C2CD5: variants seen among roughly 807,000 people sequenced by gnomAD.
The protein encoded by C2CD5 is C2 domain-containing protein 5.
Under a neutral mutation model 130.3 loss-of-function variants are expected in C2CD5, and 109 were observed. The observed-to-expected ratio is 0.84, with a 90% CI of 0.72 to 0.98. The LOEUF is 0.98. Ranked by LOEUF, C2CD5 falls within the 50% of genes least tolerant of loss-of-function variation. C2CD5 has a pLI of 0.00. For synonymous variants in C2CD5, 454 were observed against 429.2 expected, an observed-to-expected ratio of 1.06 and a Z score of -0.71; for missense variants, 996 against 1,261.8, an observed-to-expected ratio of 0.79 and a Z score of 3.19.
chr12:22,516,096 T>C, intron 8 of C2CD5, among the ~76,000 whole-genome samples: 1 of 151,800 alleles, frequency 6.6e-6, no homozygotes, highest in East Asian at 1.9e-4. Flanking sequence ...TTAACTTTAT[T>C]CTACTTTTGG....
At chr12:22,505,996 C>T (rs1948482225) in intron 10 of C2CD5, among the ~76,000 whole-genome samples, 1 of 152,088 alleles carries the variant, frequency 6.6e-6, no homozygotes, top group Non-Finnish European at 1.5e-5. Context: ...CTCCTGAGTG[C>T]TGCCTGGGTA....
At position 22,470,936 on chromosome 12, in the gene C2CD5, T is replaced by G. The variant is rs777770600; in HGVS notation, c.2359-25A>C. 32 of 1,528,254 alleles carry G rather than the reference T, an allele frequency of 2.1e-5. No homozygotes were observed. The East Asian group carries it at 6.3e-4, about 30-fold the overall frequency. 94.7% of individuals were successfully genotyped at this position (1,528,254 alleles called of 1,614,324 possible). A position where few individuals can be genotyped will look rare whatever the true frequency, so the allele number is the denominator to read the frequency against. On this transcript the variant is annotated intron_variant, in intron 20 of 26. Coordinates refer to ENST00000446597, the MANE Select transcript of C2CD5 (RefSeq NM_001286176.2). ...CCTAGAATTATAAAAACAATAATGG[T>G]TAGCAAAATAATCACTGCCAAAACT...
At chr12:22,456,870 T>A in intron 25 of C2CD5, 101 bp downstream of exon 25, 1 of 653,484 alleles carries the variant, frequency 1.5e-6, no homozygotes, top group Non-Finnish European at 2.6e-6. Context: ...TAAATAAATA[T>A]TTGTAAGTTT....
Position 22,518,044 on chromosome 12 carries a change from C to T in C2CD5, c.894G>A (p.Lys298=). The change falls in exon 8 of 27, where the codon AAG becomes AAA. Residue 298 remains lysine (K), a synonymous_variant. Transcript: ENST00000446597. Reference sequence around the variant, plus strand: ...AAGAAGAGGACTGTCGACTGTAGGACTTGGAAGGTGAAAAGGAATAAGTTT... The same window carrying T: ...AAGAAGAGGACTGTCGACTGTAGGATTTGGAAGGTGAAAAGGAATAAGTTT... ...KNQTYSFSPS[K]SYSRQSSSSD... 2 of 1,613,926 alleles carry T rather than the reference C, an allele frequency of 1.2e-6. No individual in the cohort carries two copies. Among genetic ancestry groups the T allele is most frequent in the Middle Eastern group, 1.6e-4 (1 of 6,062 alleles).
chr12:22,505,095 T>G (rs565226119), intron 10 of C2CD5, among the ~76,000 whole-genome samples: 7 of 152,272 alleles, frequency 4.6e-5, no homozygotes, highest in Admixed American at 1.3e-4. Flanking sequence ...AATTCTAGTC[T>G]TCTTCTCTGA....
rs762195887 is a variant in C2CD5 at position 22,524,492 on chromosome 12, CTCTG to C, written c.577_580del (p.Gln193AspfsTer5). The C allele has an allele frequency of 9.9e-6, 16 of 1,613,532 alleles. No homozygotes were observed. Among genetic ancestry groups the C allele is most frequent in the Middle Eastern group, 1.6e-4 (1 of 6,084 alleles). ...AATACCTGACATTAACGAAATGAGT[CTCTG>C]TCTGGCCTCATTTGATGCCCTTGGT... On this transcript the variant is annotated frameshift_variant, in exon 6 of 27. Coordinates refer to ENST00000446597, the MANE Select transcript of C2CD5 (RefSeq NM_001286176.2). LOFTEE classifies it high-confidence loss of function.
intron 26 of C2CD5, among the ~76,000 whole-genome samples, chr12:22,450,231 T>C (rs1227235300): frequency 1.3e-5 from 2 of 152,092 alleles, no homozygotes; most frequent in African/African-American, 2.4e-5. Context: ...AGCAACACAC[T>C]TAACACTGCA....
chr12:22,535,356 T>C lies in C2CD5; in HGVS notation c.91-12A>G. The C allele has an allele frequency of 7.4e-7, 1 of 1,357,218 alleles. No individual in the cohort carries two copies. Among genetic ancestry groups the C allele is most frequent in the Non-Finnish European group, 1.1e-6 (1 of 949,580 alleles). The allele number at this position is 1,357,218 out of a possible 1,614,324, so 84.1% of individuals were successfully genotyped here. ...TTACCAAATTTTACCTAAAAACAAA[T>C]AAGAAATTATTCACATATGAATATC... is the stretch of plus-strand genomic sequence containing the variant. On this transcript the variant is annotated splice_polypyrimidine_tract_variant and intron_variant, in intron 2 of 26. Coordinates refer to ENST00000446597, the MANE Select transcript of C2CD5 (RefSeq NM_001286176.2).
At chr12:22,459,394 A>C in intron 23 of C2CD5, 98 bp downstream of exon 23, 1 of 736,450 alleles carries the variant, frequency 1.4e-6, no homozygotes, top group East Asian at 2.7e-5. Flanking sequence ...TCTATTCCAT[A>C]TTGTCCAGTG....
At chr12:22,449,913 C>T in intron 26 of C2CD5, 22 bp from the exon 27 acceptor site, 2 of 1,592,526 alleles carry the variant, frequency 1.3e-6, no homozygotes, top group Non-Finnish European at 1.7e-6. Flanking sequence ...ACAAACAGGA[C>T]AGGTTCAGTT....
chr12:22,522,792 G>A (rs1372637059), intron 7 of C2CD5, among the ~76,000 whole-genome samples: 1 of 152,112 alleles, frequency 6.6e-6, no homozygotes, highest in East Asian at 1.9e-4. Flanking sequence ...ATCTGGTAGA[G>A]GGTTTTAAGT....
At chr12:22,538,829 A>T (rs1402161494) in intron 2 of C2CD5, among the ~76,000 whole-genome samples, 1 of 152,102 alleles carries the variant, frequency 6.6e-6, no homozygotes, top group Admixed American at 6.5e-5. Context: ...AAATTTTACC[A>T]TCCTCCAGGC....
At chr12:22,527,641 C>A in intron 4 of C2CD5, 80 bp downstream of exon 4, 1 of 857,486 alleles carries the variant, frequency 1.2e-6, no homozygotes. Flanking sequence ...TTTAAACCAG[C>A]AAATATAGCA....
In C2CD5 at chr12:22,490,209, G is replaced by A. The variant is rs1397405908; in HGVS notation, c.1272C>T (p.Val424=). The change falls in exon 12 of 27, where the codon GTC becomes GTT. Residue 424 remains valine (V), a synonymous_variant. Coordinates refer to ENST00000446597, the MANE Select transcript of C2CD5 (RefSeq NM_001286176.2). The part of the protein sequence containing the change: ...YSESTSICEE[V]CILSASGTAA... ...CTGTGCCAGATGCAGATAAAATGCA[G>A]ACCTCTTCACTATAAAGGAAAAAAC... is the stretch of plus-strand genomic sequence containing the variant. The A allele has an allele frequency of 1.2e-6, 2 of 1,611,428 alleles. No individual in the cohort carries two copies. Among genetic ancestry groups the A allele is most frequent in the East Asian group, 2.2e-5 (1 of 44,872 alleles).
intron 3 of C2CD5, among the ~76,000 whole-genome samples, chr12:22,531,377 C>G (rs1240227980): frequency 2.6e-5 from 4 of 152,118 alleles, no homozygotes; most frequent in Non-Finnish European, 5.9e-5. Flanking sequence ...TTCCTGATTG[C>G]AAAACTCACT....
chr12:22,472,714 T>G, intron 17 of C2CD5, 30 bp downstream of exon 17: 1 of 1,237,114 alleles, frequency 8.1e-7, no homozygotes, highest in Non-Finnish European at 1.2e-6. Flanking sequence ...GTAAAACTAG[T>G]TTCATCTCAA....
In C2CD5 at chr12:22,492,717, A is replaced by G. The variant is rs1413671254; in HGVS notation, c.1262+506T>C. 2.0e-5 allele frequency among the ~76,000 whole-genome samples: 3 copies of G among 152,192 alleles called. No individual in the cohort carries two copies. The East Asian group carries it at 5.8e-4, about 29-fold the overall frequency. ...GAAAAAGGAATTGAGAACCAAGTGTATGAAAGCCCCTTCCTAATTTGTCAG... is the reference window on the plus strand; with the variant it reads ...GAAAAAGGAATTGAGAACCAAGTGTGTGAAAGCCCCTTCCTAATTTGTCAG... On this transcript the variant is annotated intron_variant, in intron 11 of 26. Coordinates refer to ENST00000446597, the MANE Select transcript of C2CD5 (RefSeq NM_001286176.2).
intron 10 of C2CD5, among the ~76,000 whole-genome samples, chr12:22,495,268 CAAGT>C (rs1292206561): frequency 6.6e-6 from 1 of 151,976 alleles, no homozygotes; most frequent in Non-Finnish European, 1.5e-5. Flanking sequence ...ATCTGTACCA[CAAGT>C]AATACATGGT....
At chr12:22,472,976 C>G (rs543353758) in intron 16 of C2CD5, among the ~76,000 whole-genome samples, 169 bp from the exon 17 acceptor site, 1 of 152,074 alleles carries the variant, frequency 6.6e-6, no homozygotes, top group East Asian at 1.9e-4. Flanking sequence ...GTAATAACCA[C>G]AAATACTTCC....
Sources: allele counts gnomAD v4.1 joint callset (sites outside exome capture counted in the v4.1 genomes callset), GRCh38; gene constraint gnomAD v4.1.1; transcripts MANE v1.5; gene names NCBI Gene and HGNC (gene_info 2026-07-23, HGNC 2026-07-21).